The following TSPAN33 variants were observed in gnomAD, a reference collection of about 807,000 sequenced individuals.
TSPAN33 encodes tetraspanin-33.
Under a neutral mutation model 34.8 loss-of-function variants are expected in TSPAN33, and 27 were observed. The ratio of observed to expected loss-of-function variants is 0.78; its 90% CI spans 0.57 to 1.07. TSPAN33 has a LOEUF of 1.07. Among genes scored for constraint, TSPAN33 ranks in the 50% least tolerant of loss-of-function variants. The pLI, the probability that TSPAN33 is intolerant of heterozygous loss-of-function variation, is 0.00. For missense variants in TSPAN33, 272 were observed against 324.9 expected (o/e 0.84, Z 1.25); for synonymous variants, 119 against 124.2 (o/e 0.96, Z 0.28).
In TSPAN33 at chr7:129,145,073, G is replaced by GCT; in HGVS notation, c.96_97dup (p.Phe33SerfsTer4). 1.4e-6 allele frequency: 1 copy of GCT among 724,372 alleles called. No individual in the cohort carries two copies. The highest frequency in any genetic ancestry group is 1.4e-5 in the South Asian group (1 of 69,116). 44.9% of individuals were successfully genotyped at this position (724,372 alleles called of 1,614,324 possible). A position where few individuals can be genotyped will look rare whatever the true frequency, so the allele number is the denominator to read the frequency against. ...AATACCTGCTCTTCTTCTTCAACAT[G>GCT]CTCTTCTGGGTGAGTCTCGGGGTCG... On this transcript the variant is annotated frameshift_variant, in exon 1 of 8. Transcript: ENST00000486685. LOFTEE classifies it high-confidence loss of function.
chr7:129,163,333 CT>C (rs57365994), intron 4 of TSPAN33, among the ~76,000 whole-genome samples: 99 of 124,824 alleles, frequency 7.9e-4, no homozygotes, highest in Middle Eastern at 4.6e-3. Flanking sequence ...TTCTTTCTTT[CT>C]TTTTTTTTTT....
chr7:129,167,654 C>T lies in TSPAN33; in HGVS notation c.750+94C>T. 1 of 1,550,630 alleles carries T rather than the reference C, an allele frequency of 6.4e-7. No homozygotes were observed. Among genetic ancestry groups the T allele is most frequent in the Non-Finnish European group, 8.8e-7 (1 of 1,131,114 alleles). ...CCTGGGGATCAGCGAGGGTGTCAGG[C>T]ACTGACATGGCTGAGGGGTAGGGAA... On this transcript the variant is annotated intron_variant, in intron 7 of 7. Transcript: ENST00000486685. This position sits in a 1 kb window ranked among gnomAD's most constrained non-coding sequence, Gnocchi z 4.6.
chr7:129,150,415 C>A (rs1322492046), intron 1 of TSPAN33, among the ~76,000 whole-genome samples: 3 of 152,180 alleles, frequency 2.0e-5, no homozygotes, highest in Non-Finnish European at 4.4e-5. Flanking sequence ...AGCTGCTCCC[C>A]CAAGGGAACC....
At position 129,165,878 on chromosome 7, in the gene TSPAN33, C is replaced by G. The variant is rs1793131754; in HGVS notation, c.460-900C>G. ...TGAGCCAAGATCATGCCATTGCACT[C>G]CAGCCTGGGTGACAGACAGAGACTC... is the stretch of plus-strand genomic sequence containing the variant. On this transcript the variant is annotated intron_variant, in intron 5 of 7. Coordinates refer to ENST00000486685, the MANE Select transcript of TSPAN33 (RefSeq NM_178562.5). The surrounding 1 kb of genome is among the most constrained non-coding windows in gnomAD (Gnocchi z 4.5). Among the ~76,000 whole-genome samples the G allele has an allele frequency of 6.6e-6, 1 of 151,886 alleles. No individual in the cohort carries two copies. The highest frequency in any genetic ancestry group is 1.5e-5 in the Non-Finnish European group (1 of 67,966).
chr7:129,163,088 A>G (rs901765458), intron 4 of TSPAN33, among the ~76,000 whole-genome samples, 181 bp downstream of exon 4: 6 of 152,252 alleles, frequency 3.9e-5, no homozygotes, highest in African/African-American at 1.2e-4. Context: ...AGAGAATTTT[A>G]AGATCATAAG....
intron 4 of TSPAN33, among the ~76,000 whole-genome samples, chr7:129,163,620 A>C (rs1187153738): frequency 6.6e-6 from 1 of 152,206 alleles, no homozygotes; most frequent in African/African-American, 2.4e-5. Context: ...AAACTAAGGA[A>C]AGAAAATTTG....
rs1331380173 is a variant in TSPAN33, at chr7:129,165,627, A to G, written c.459+1058A>G. Among the ~76,000 whole-genome samples, 1 of 152,220 alleles carries G rather than the reference A, an allele frequency of 6.6e-6. No homozygotes were observed. Among genetic ancestry groups the G allele is most frequent in the African/African-American group, 2.4e-5 (1 of 41,472 alleles). On this transcript the variant is annotated intron_variant, in intron 5 of 7. Coordinates refer to ENST00000486685, the MANE Select transcript of TSPAN33 (RefSeq NM_178562.5). This position sits in a 1 kb window ranked among gnomAD's most constrained non-coding sequence, Gnocchi z 4.5. ...TGCTATGAATCAAAAGTTAACAATTAGGCCAGGCATGGTAGCTTACATCTG... is the reference window on the plus strand; with the variant it reads ...TGCTATGAATCAAAAGTTAACAATTGGGCCAGGCATGGTAGCTTACATCTG...
At chr7:129,147,718 G>GT (rs1810539705) in intron 1 of TSPAN33, among the ~76,000 whole-genome samples, 1 of 152,222 alleles carries the variant, frequency 6.6e-6, no homozygotes, top group Non-Finnish European at 1.5e-5. Context: ...CATGGCAGTG[G>GT]TTATTGTGTC....
chr7:129,163,333 C>CTTTTTTTTTTTT (rs57365994), intron 4 of TSPAN33, among the ~76,000 whole-genome samples: 4 of 124,826 alleles, frequency 3.2e-5, no homozygotes, highest in Non-Finnish European at 4.9e-5. Context: ...TTCTTTCTTT[C>CTTTTTTTTTTTT]TTTTTTTTTT....
intron 2 of TSPAN33, 95 bp downstream of exon 2, chr7:129,161,831 C>A (rs912021214): frequency 6.6e-7 from 1 of 1,504,190 alleles, no homozygotes; most frequent in Non-Finnish European, 9.2e-7. Context: ...AGCTATGGGG[C>A]TAAAGGAGGC....
rs1793070507 is a variant in TSPAN33 at position 129,162,612 on chromosome 7, C to G, written c.288+91C>G. On this transcript the variant is annotated intron_variant, in intron 3 of 7. Coordinates refer to ENST00000486685, the MANE Select transcript of TSPAN33 (RefSeq NM_178562.5). ...CGGCCCTTTGGTTGCCTTGTCCTAC[C>G]CTACCCCCAAGCCTGTGCTGTCCAC... 3 of 1,571,932 alleles carry G rather than the reference C, an allele frequency of 1.9e-6. No individual in the cohort carries two copies. The South Asian group carries it at 3.5e-5, about 18-fold the overall frequency.
Position 129,163,048 on chromosome 7 carries a change from A to G in TSPAN33, c.363+141A>G, listed in dbSNP as rs554312060. ...TCGTTGAAAAGTTCATTAGGGGTGAATGAATAGCCTGTAAACTCATCATAT... is the reference window on the plus strand; with the variant it reads ...TCGTTGAAAAGTTCATTAGGGGTGAGTGAATAGCCTGTAAACTCATCATAT... On this transcript the variant is annotated intron_variant, in intron 4 of 7. Coordinates refer to ENST00000486685, the MANE Select transcript of TSPAN33 (RefSeq NM_178562.5). 4 of 712,536 alleles carry G rather than the reference A, an allele frequency of 5.6e-6. No individual in the cohort carries two copies. The East Asian group carries it at 1.1e-4, about 19-fold the overall frequency. The allele number at this position is 712,536 out of a possible 1,614,324, so 44.1% of individuals were successfully genotyped here. A position where few individuals can be genotyped will look rare whatever the true frequency, so the allele number is the denominator to read the frequency against.
chr7:129,145,823 C>T (rs1347436101), intron 1 of TSPAN33, among the ~76,000 whole-genome samples: 4 of 151,852 alleles, frequency 2.6e-5, no homozygotes, highest in Non-Finnish European at 5.9e-5. Context: ...CTCTGCCGTT[C>T]ATTGTTGACT....
Position 129,167,063 on chromosome 7 carries a change from A to G in TSPAN33, c.588+157A>G, listed in dbSNP as rs1793153175. 1.3e-5 allele frequency among the ~76,000 whole-genome samples: 2 copies of G among 152,216 alleles called. No homozygotes were observed. Among genetic ancestry groups the G allele is most frequent in the South Asian group, 2.1e-4 (1 of 4,830 alleles). ...TTCTTCACCCCAACCTGATGCTTCT[A>G]TTAACCTCATACTCATGTAGTCCAC... On this transcript the variant is annotated intron_variant, in intron 6 of 7. Transcript: ENST00000486685. This position sits in a 1 kb window ranked among gnomAD's most constrained non-coding sequence, Gnocchi z 4.6.
Position 129,167,648 on chromosome 7 carries a change from G to A in TSPAN33, c.750+88G>A, listed in dbSNP as rs1584642687. The A allele has an allele frequency of 6.4e-7, 1 of 1,564,776 alleles. No individual in the cohort carries two copies. The highest frequency in any genetic ancestry group is 8.7e-7 in the Non-Finnish European group (1 of 1,143,818). ...AAGGCACCTGGGGATCAGCGAGGGT[G>A]TCAGGCACTGACATGGCTGAGGGGT... On this transcript the variant is annotated intron_variant, in intron 7 of 7. Coordinates refer to ENST00000486685, the MANE Select transcript of TSPAN33 (RefSeq NM_178562.5). The surrounding 1 kb of genome is among the most constrained non-coding windows in gnomAD (Gnocchi z 4.6).
intron 4 of TSPAN33, 48 bp from the exon 5 acceptor site, chr7:129,164,426 G>C: frequency 4.5e-6 from 7 of 1,546,088 alleles, no homozygotes; most frequent in Non-Finnish European, 5.4e-6. Flanking sequence ...GAAGGAGCAA[G>C]TTAGGGATTA....
chr7:129,166,805 A>G lies in TSPAN33; in HGVS notation c.487A>G (p.Lys163Glu), dbSNP rs749695799. ...KFSCCGGISY[K>E]DWSQNMYFNC... ...TAGCTGCTGTGGAGGGATTTCCTAC[A>G]AGGACTGGTCTCAGAACATGTATTT... Residue 163 changes from lysine to glutamate, a missense_variant, in exon 6 of 8, where the codon AAG becomes GAG. Coordinates refer to ENST00000486685, the MANE Select transcript of TSPAN33 (RefSeq NM_178562.5). The G allele has an allele frequency of 2.5e-6, 4 of 1,614,142 alleles. No homozygotes were observed. In the Admixed American group the frequency reaches 6.7e-5, roughly 27 times the overall value.
chr7:129,158,327 T>C (rs1792986717), intron 1 of TSPAN33, among the ~76,000 whole-genome samples: 1 of 152,214 alleles, frequency 6.6e-6, no homozygotes, highest in African/African-American at 2.4e-5. Flanking sequence ...CCACCATAGA[T>C]AGAGACAGAG....
chr7:129,163,174 C>G (rs1014996039), intron 4 of TSPAN33, among the ~76,000 whole-genome samples: 5 of 152,098 alleles, frequency 3.3e-5, no homozygotes, highest in Non-Finnish European at 7.4e-5. Context: ...AACTTAGAAA[C>G]TTTAATAGCA....
Sources: allele counts gnomAD v4.1 joint callset (sites outside exome capture counted in the v4.1 genomes callset), GRCh38; gene constraint gnomAD v4.1.1; non-coding constraint Gnocchi (gnomAD v3.1); transcripts MANE v1.5; gene names NCBI Gene and HGNC (gene_info 2026-07-23, HGNC 2026-07-21).